KIF26B: variants seen among roughly 807,000 people sequenced by gnomAD.
KIF26B encodes kinesin family member 26B.
KIF26B carries 63 observed loss-of-function variants against 151.2 expected under a neutral mutation model. The ratio of observed to expected loss-of-function variants is 0.42; its 90% CI spans 0.34 to 0.51. The LOEUF is 0.51. Among genes scored for constraint, KIF26B ranks in the 20% least tolerant of loss-of-function variants. KIF26B has a pLI of 0.07. For synonymous variants in KIF26B, 1,357 were observed against 1,262.1 expected (o/e 1.08, Z -1.59); for missense variants, 2,813 against 2,913.6 (o/e 0.97, Z 0.79).
chr1:245,629,842 T>A (rs1219518895), intron 9 of KIF26B, among the ~76,000 whole-genome samples: 2 of 152,054 alleles, frequency 1.3e-5, no homozygotes, highest in African/African-American at 2.4e-5. Flanking sequence ...TTGCAATCTA[T>A]CCATCTGACA....
intron 2 of KIF26B, among the ~76,000 whole-genome samples, chr1:245,226,799 T>C (rs550415358): frequency 2.6e-5 from 4 of 152,310 alleles, no homozygotes; most frequent in South Asian, 4.1e-4. Flanking sequence ...GAAAAGGGTA[T>C]GATGGCAGAA....
intron 2 of KIF26B, among the ~76,000 whole-genome samples, chr1:245,336,680 A>T (rs60243933): frequency 0.052 from 7,867 of 152,246 alleles, 564 homozygotes; most frequent in African/African-American, 0.16. Flanking sequence ...TTTTTCCTAT[A>T]CATACCTTCC....
chr1:245,574,612 C>T (rs1186929391), intron 5 of KIF26B, among the ~76,000 whole-genome samples: 1 of 152,118 alleles, frequency 6.6e-6, no homozygotes, highest in Non-Finnish European at 1.5e-5. Context: ...TTGGAGTCCA[C>T]CTTCTGCCCC....
intron 4 of KIF26B, among the ~76,000 whole-genome samples, chr1:245,532,246 T>TTG: frequency 1.3e-5 from 1 of 78,554 alleles, no homozygotes; most frequent in Non-Finnish European, 3.4e-5. Flanking sequence ...TTCTTTTCTT[T>TTG]TCTTTTTTTT....
chr1:245,505,409 G>T (rs763255004), intron 4 of KIF26B, among the ~76,000 whole-genome samples: 5 of 148,082 alleles, frequency 3.4e-5, no homozygotes, highest in Non-Finnish European at 6.0e-5. Context: ...CTTTTGAGAG[G>T]GAGTCTTGCT....
intron 2 of KIF26B, among the ~76,000 whole-genome samples, chr1:245,224,225 C>T (rs569201582): frequency 6.6e-5 from 10 of 150,740 alleles, no homozygotes; most frequent in South Asian, 6.3e-4. Flanking sequence ...GCGGAGGTTG[C>T]GGTGAGCCAA....
At chr1:245,291,224 T>C (rs527380064) in intron 2 of KIF26B, among the ~76,000 whole-genome samples, 2 of 152,308 alleles carry the variant, frequency 1.3e-5, no homozygotes, top group East Asian at 3.9e-4. Context: ...AACTGACTTC[T>C]TTGAGAGGAG....
rs1440919116 is a variant in KIF26B, at chr1:245,687,010, C to T, written c.4027C>T (p.Leu1343=). Residue 1343 remains leucine, a synonymous_variant, in exon 12 of 15, where the codon CTG becomes TTG. Coordinates refer to ENST00000407071, the MANE Select transcript of KIF26B (RefSeq NM_018012.4). This position sits in a 1 kb window ranked among gnomAD's most constrained non-coding sequence, Gnocchi z 4.9. ...GGCCAGCCCCGACAACTTGCTCATC[C>T]TGTCTGAGATGGGAGATGACTCTTT... ...PKASPDNLLI[L]SEMGDDSFNK... is the part of the protein sequence containing the mutation. The T allele has an allele frequency of 6.2e-7, 1 of 1,613,464 alleles. No individual in the cohort carries two copies.
In KIF26B at chr1:245,602,742, A is replaced by T; in HGVS notation, c.1516A>T (p.Met506Leu). Residue 506 changes from methionine to leucine, a missense_variant, in exon 6 of 15, where the codon ATG becomes TTG. By Grantham distance (15) the Met-to-Leu change is conservative. Transcript: ENST00000407071. This position sits in a 1 kb window ranked among gnomAD's most constrained non-coding sequence, Gnocchi z 4.5. ...QKRGNQVPPK[M>L]FAFDAVFPQD... ...GAGAGGCAACCAGGTTCCTCCAAAG[A>T]TGTTTGCCTTCGATGCAGTTTTTCC... 6.2e-7 allele frequency: 1 copy of T among 1,613,982 alleles called. No individual in the cohort carries two copies. The highest frequency in any genetic ancestry group is 8.5e-7 in the Non-Finnish European group (1 of 1,179,902).
intron 3 of KIF26B, among the ~76,000 whole-genome samples, chr1:245,398,822 G>A (rs1673924960): frequency 6.6e-6 from 1 of 151,772 alleles, no homozygotes; most frequent in Admixed American, 6.6e-5. Flanking sequence ...ATAACTTACA[G>A]AAAAGTTGCA....
chr1:245,573,785 C>A (rs1034822114), intron 5 of KIF26B, among the ~76,000 whole-genome samples: 14 of 152,198 alleles, frequency 9.2e-5, no homozygotes, highest in Middle Eastern at 6.8e-3. Context: ...AAGTACCGAG[C>A]CCTGTATGTG....
At chr1:245,191,950 A>C (rs545647281) in intron 2 of KIF26B, among the ~76,000 whole-genome samples, 1 of 152,314 alleles carries the variant, frequency 6.6e-6, no homozygotes, top group South Asian at 2.1e-4. Context: ...TCTTTCATAT[A>C]ATGAAGGATA....
At chr1:245,648,031 G>T (rs984546341) in intron 10 of KIF26B, among the ~76,000 whole-genome samples, 1 of 152,192 alleles carries the variant, frequency 6.6e-6, no homozygotes, top group Non-Finnish European at 1.5e-5. Context: ...GAGGGAAACC[G>T]TTGGAGTTGG....
At chr1:245,616,491 C>A (rs1715787) in intron 9 of KIF26B, among the ~76,000 whole-genome samples, 102,199 of 152,134 alleles carry the variant, frequency 0.67, 34,608 homozygotes, top group East Asian at 0.9. Flanking sequence ...GATTGTTTTC[C>A]GATTTTGGAA....
chr1:245,594,776 G>A (rs775586094), intron 5 of KIF26B, among the ~76,000 whole-genome samples: 5 of 152,106 alleles, frequency 3.3e-5, no homozygotes, highest in African/African-American at 1.2e-4. Flanking sequence ...CCATATTCAC[G>A]ATATTGTTTC....
chr1:245,598,798 G>A (rs1463357616), intron 5 of KIF26B, among the ~76,000 whole-genome samples: 3 of 152,176 alleles, frequency 2.0e-5, no homozygotes, highest in Non-Finnish European at 2.9e-5. Flanking sequence ...CAATCCATCC[G>A]TGGAATAAAC....
chr1:245,155,248 G>T lies in KIF26B; in HGVS notation c.-177G>T. The T allele has an allele frequency of 1.6e-6, 1 of 635,462 alleles. No homozygotes were observed. The highest frequency in any genetic ancestry group is 1.9e-5 in the South Asian group (1 of 52,456). The allele number at this position is 635,462 out of a possible 1,614,324, so 39.4% of individuals were successfully genotyped here. A position where few individuals can be genotyped will look rare whatever the true frequency, so the allele number is the denominator to read the frequency against. On this transcript the variant is annotated 5_prime_UTR_variant, in exon 1 of 15. Transcript: ENST00000407071. Reference sequence around the variant, plus strand: ...GCGACCCCAACCCTTTCTGCAAATTGGTGCTATTACTTGTGGGATCCATTT... The same window carrying T: ...GCGACCCCAACCCTTTCTGCAAATTTGTGCTATTACTTGTGGGATCCATTT...
chr1:245,475,941 A>G (rs1488024753), intron 4 of KIF26B, among the ~76,000 whole-genome samples: 1 of 151,904 alleles, frequency 6.6e-6, no homozygotes, highest in Admixed American at 6.6e-5. Context: ...ATACATCCAC[A>G]CAAACATTAG....
intron 2 of KIF26B, among the ~76,000 whole-genome samples, chr1:245,313,030 G>A (rs991533954): frequency 1.3e-5 from 2 of 152,022 alleles, no homozygotes; most frequent in Non-Finnish European, 2.9e-5. Flanking sequence ...GTGGTGGTGC[G>A]CACCTGTAGT....
Sources: allele counts gnomAD v4.1 joint callset (sites outside exome capture counted in the v4.1 genomes callset), GRCh38; gene constraint gnomAD v4.1.1; non-coding constraint Gnocchi (gnomAD v3.1); transcripts MANE v1.5; gene names NCBI Gene and HGNC (gene_info 2026-07-23, HGNC 2026-07-21).